RSU1: variants seen among roughly 807,000 people sequenced by gnomAD.
The protein encoded by RSU1 is rsu-1.
Under a neutral mutation model 31.1 loss-of-function variants are expected in RSU1, and 26 were observed. That is an observed-to-expected ratio of 0.84 (90% CI 0.61 to 1.16). The LOEUF is 1.16. RSU1 is among the 50% of genes most tolerant of loss of function. The probability of loss-of-function intolerance (pLI) is 0.00; values close to 1 mark genes in which losing one functional copy is unlikely to be tolerated. For synonymous variants in RSU1, 164 were observed against 136.3 expected (o/e 1.20, Z -1.41); for missense variants, 320 against 339.1 (o/e 0.94, Z 0.44).
intron 8 of RSU1, among the ~76,000 whole-genome samples, chr10:16,671,128 A>T (rs1284142505): frequency 6.6e-6 from 1 of 152,084 alleles, no homozygotes; most frequent in Non-Finnish European, 1.5e-5. Flanking sequence ...AACAATTTAC[A>T]CCTACTCCTA....
intron 7 of RSU1, among the ~76,000 whole-genome samples, chr10:16,706,864 A>G (rs534696589): frequency 6.6e-5 from 10 of 152,200 alleles, no homozygotes; most frequent in African/African-American, 1.9e-4. Flanking sequence ...ACTGGCCAAC[A>G]TCTCTGCACC....
chr10:16,809,868 T>C, intron 2 of RSU1, among the ~76,000 whole-genome samples: 1 of 152,028 alleles, frequency 6.6e-6, no homozygotes, highest in East Asian at 1.9e-4. Context: ...TCACATGTAA[T>C]AGACACCTTA....
At chr10:16,761,277 A>G (rs1387784999) in intron 4 of RSU1, among the ~76,000 whole-genome samples, 1 of 152,134 alleles carries the variant, frequency 6.6e-6, no homozygotes, top group Admixed American at 6.5e-5. Flanking sequence ...TGCTTTTCTT[A>G]GCACTTTTTA....
At position 16,752,548 on chromosome 10, in the gene RSU1, G is replaced by C. The variant is rs752166331; in HGVS notation, c.589C>G (p.Pro197Ala). ...IQGNRLTVLP[P>A]ELGNLDLTGQ... ...TCATCAGCAACCTTACCTAGTTCTG[G>C]GGGCAGAACGGTGAGGCGGTTCCCC... Residue 197 changes from proline (P) to alanine (A), a missense_variant, in exon 7 of 9, where the codon CCA becomes GCA. By Grantham distance (27) the Pro-to-Ala change is conservative (BLOSUM62 -1). Coordinates refer to ENST00000345264, the MANE Select transcript of RSU1 (RefSeq NM_012425.4). The C allele has an allele frequency of 1.9e-6, 3 of 1,612,770 alleles. No individual in the cohort carries two copies. Among genetic ancestry groups the C allele is most frequent in the Non-Finnish European group, 2.5e-6 (3 of 1,178,792 alleles).
At chr10:16,762,513 AG>A (rs1310741474) in intron 4 of RSU1, among the ~76,000 whole-genome samples, 2 of 143,018 alleles carry the variant, frequency 1.4e-5, no homozygotes, top group Non-Finnish European at 3.1e-5. Context: ...ATTTGTAGGG[AG>A]AAAAAAAAAA....
chr10:16,697,099 G>T (rs1835691316), intron 7 of RSU1, among the ~76,000 whole-genome samples: 1 of 151,988 alleles, frequency 6.6e-6, no homozygotes, highest in South Asian at 2.1e-4. Flanking sequence ...TATTTTATGT[G>T]CACGATGGTA....
chr10:16,749,297 T>G (rs1836925155), intron 7 of RSU1, among the ~76,000 whole-genome samples: 1 of 152,204 alleles, frequency 6.6e-6, no homozygotes, highest in South Asian at 2.1e-4. Flanking sequence ...GACTTTATTT[T>G]GCTGTGTCCC....
intron 2 of RSU1, among the ~76,000 whole-genome samples, chr10:16,791,635 C>CAAAAAAAAAAAAAAA (rs553951655): frequency 1.0e-5 from 1 of 98,484 alleles, no homozygotes. Flanking sequence ...CTCAAAAAAA[C>CAAAAAAAAAAAAAAA]AAAAAAAAAA....
intron 2 of RSU1, among the ~76,000 whole-genome samples, chr10:16,799,506 A>AAACAAC (rs57657837): frequency 2.6e-5 from 4 of 151,600 alleles, no homozygotes; most frequent in Admixed American, 6.6e-5. Context: ...GAGAGATTAA[A>AAACAAC]AACAACAACA....
intron 7 of RSU1, among the ~76,000 whole-genome samples, chr10:16,697,563 C>A (rs1002119236): frequency 2.0e-5 from 3 of 151,784 alleles, no homozygotes; most frequent in Admixed American, 6.6e-5. Context: ...TCTTGGGAGG[C>A]TGAGGCAGGA....
At chr10:16,663,448 G>A (rs183849267) in intron 8 of RSU1, among the ~76,000 whole-genome samples, 1 of 152,238 alleles carries the variant, frequency 6.6e-6, no homozygotes, top group Admixed American at 6.5e-5. Context: ...TATCAAGCAA[G>A]ACTCTTCGAA....
intron 7 of RSU1, among the ~76,000 whole-genome samples, chr10:16,750,574 T>C (rs1836957669): frequency 6.6e-6 from 1 of 152,182 alleles, no homozygotes; most frequent in African/African-American, 2.4e-5. Context: ...TACTGTCTGA[T>C]AAAATAATTG....
intron 2 of RSU1, among the ~76,000 whole-genome samples, chr10:16,795,163 G>A (rs1838002498): frequency 6.6e-6 from 1 of 151,982 alleles, no homozygotes; most frequent in African/African-American, 2.4e-5. Context: ...AGACCAGCCT[G>A]GCCAACATGG....
chr10:16,619,298 A>T (rs1044336271), intron 8 of RSU1, among the ~76,000 whole-genome samples: 1 of 152,202 alleles, frequency 6.6e-6, no homozygotes, highest in Non-Finnish European at 1.5e-5. Context: ...GCATGTTTTC[A>T]CCTCACAGTC....
At chr10:16,663,030 T>C (rs1046447109) in intron 8 of RSU1, among the ~76,000 whole-genome samples, 1 of 150,642 alleles carries the variant, frequency 6.6e-6, no homozygotes, top group African/African-American at 2.4e-5. Context: ...TTGCTCAGCG[T>C]AGAAACAGAA....
intron 2 of RSU1, among the ~76,000 whole-genome samples, chr10:16,811,637 C>G (rs1456776350): frequency 1.3e-5 from 2 of 152,198 alleles, no homozygotes; most frequent in African/African-American, 4.8e-5. Context: ...AGGGGCTACA[C>G]CTCTTCTTTG....
intron 8 of RSU1, among the ~76,000 whole-genome samples, chr10:16,688,729 C>T (rs1835485826): frequency 6.6e-6 from 1 of 151,998 alleles, no homozygotes; most frequent in African/African-American, 2.4e-5. Context: ...AGCCAGGTGC[C>T]GTGGTGCGTG....
intron 8 of RSU1, among the ~76,000 whole-genome samples, chr10:16,685,260 A>T (rs1835420358): frequency 6.6e-6 from 1 of 152,204 alleles, no homozygotes; most frequent in African/African-American, 2.4e-5. Flanking sequence ...AAAACCAAAC[A>T]ACACCAAATA....
intron 8 of RSU1, among the ~76,000 whole-genome samples, chr10:16,642,897 CT>C (rs1289582563): frequency 7.2e-5 from 11 of 152,216 alleles, no homozygotes; most frequent in African/African-American, 2.6e-4. Flanking sequence ...CATGCTTATT[CT>C]TTAAATAACA....
Sources: allele counts gnomAD v4.1 joint callset (sites outside exome capture counted in the v4.1 genomes callset), GRCh38; gene constraint gnomAD v4.1.1; transcripts MANE v1.5; gene names NCBI Gene and HGNC (gene_info 2026-07-23, HGNC 2026-07-21).